MNAT1: variants seen among roughly 807,000 people sequenced by gnomAD.
The protein encoded by MNAT1 is CDK-activating kinase assembly factor MAT1.
MNAT1 carries 43 observed loss-of-function variants against 42.0 expected under a neutral mutation model. That is an observed-to-expected ratio of 1.02 (90% CI 0.80 to 1.32). MNAT1 has a LOEUF of 1.32. Among genes scored for constraint, MNAT1 ranks in the 40% most tolerant of loss-of-function variants. The pLI, the probability that MNAT1 is intolerant of heterozygous loss-of-function variation, is 0.00. For missense variants in MNAT1, 306 were observed against 350.4 expected (o/e 0.87, Z 1.01); for synonymous variants, 118 against 120.0 (o/e 0.98, Z 0.11).
At chr14:60,846,264 G>A (rs182087732) in intron 6 of MNAT1, among the ~76,000 whole-genome samples, 8 of 152,012 alleles carry the variant, frequency 5.3e-5, no homozygotes, top group Admixed American at 5.2e-4. Flanking sequence ...TCAGGATCAC[G>A]TTCACTCTTT....
At chr14:60,954,906 T>G (rs2036454448) in intron 7 of MNAT1, among the ~76,000 whole-genome samples, 1 of 152,174 alleles carries the variant, frequency 6.6e-6, no homozygotes, top group African/African-American at 2.4e-5. Flanking sequence ...CTATATGTAA[T>G]TTGTTGATAG....
At chr14:60,922,073 GA>G (rs917153466) in intron 7 of MNAT1, among the ~76,000 whole-genome samples, 9 of 151,940 alleles carry the variant, frequency 5.9e-5, no homozygotes, top group Non-Finnish European at 8.8e-5. Flanking sequence ...ATAAATGTCG[GA>G]AAAAAAGTAA....
intron 6 of MNAT1, among the ~76,000 whole-genome samples, chr14:60,834,247 C>G (rs536186093): frequency 6.6e-6 from 1 of 152,054 alleles, no homozygotes; most frequent in Non-Finnish European, 1.5e-5. Flanking sequence ...TTCTCTAGTT[C>G]TTTTAATTGT....
At chr14:60,949,098 C>T (rs1425866933) in intron 7 of MNAT1, among the ~76,000 whole-genome samples, 1 of 152,078 alleles carries the variant, frequency 6.6e-6, no homozygotes, top group Non-Finnish European at 1.5e-5. Flanking sequence ...GGACTTTTAT[C>T]CTCTTGATAT....
At chr14:60,761,529 C>G (rs2030600391) in intron 1 of MNAT1, among the ~76,000 whole-genome samples, 1 of 152,128 alleles carries the variant, frequency 6.6e-6, no homozygotes, top group African/African-American at 2.4e-5. Flanking sequence ...ATCCTTAGCA[C>G]TAAGGTAGTA....
At chr14:60,934,618 C>T (rs1324270724) in intron 7 of MNAT1, among the ~76,000 whole-genome samples, 1 of 152,182 alleles carries the variant, frequency 6.6e-6, no homozygotes, top group Non-Finnish European at 1.5e-5. Flanking sequence ...TCTTTCACCT[C>T]CTACCATGAT....
chr14:60,891,805 AG>A (rs2034851358), intron 7 of MNAT1, among the ~76,000 whole-genome samples: 1 of 151,794 alleles, frequency 6.6e-6, no homozygotes, highest in African/African-American at 2.4e-5. Context: ...TTTTCCTCTT[AG>A]TACTCTTTTG....
At chr14:60,964,204 A>G (rs2036644489) in intron 7 of MNAT1, among the ~76,000 whole-genome samples, 1 of 152,188 alleles carries the variant, frequency 6.6e-6, no homozygotes, top group Admixed American at 6.5e-5. Flanking sequence ...CAGTGTAGGA[A>G]ACCAAAGTTC....
At chr14:60,818,603 A>G (rs2032786355) in intron 5 of MNAT1, 119 bp from the exon 6 acceptor site, 1 of 801,192 alleles carries the variant, frequency 1.2e-6, no homozygotes, top group Non-Finnish European at 1.8e-6. Context: ...GTCCTCCATA[A>G]TGTGAATATT....
chr14:60,952,549 G>T (rs563611794), intron 7 of MNAT1, among the ~76,000 whole-genome samples: 1 of 152,104 alleles, frequency 6.6e-6, no homozygotes, highest in East Asian at 1.9e-4. Flanking sequence ...TATGATACAG[G>T]TTTCACACTG....
At chr14:60,841,707 ATAT>A (rs1207283511) in intron 6 of MNAT1, among the ~76,000 whole-genome samples, 1 of 152,026 alleles carries the variant, frequency 6.6e-6, no homozygotes, top group African/African-American at 2.4e-5. Context: ...ATTCCATTAA[ATAT>A]TATAAGACTT....
chr14:60,841,988 G>T (rs1043477393), intron 6 of MNAT1, among the ~76,000 whole-genome samples: 1 of 152,166 alleles, frequency 6.6e-6, no homozygotes, highest in Non-Finnish European at 1.5e-5. Flanking sequence ...TTGGTGTTCA[G>T]TAATTTCCAC....
chr14:60,930,010 G>A (rs946265627), intron 7 of MNAT1, among the ~76,000 whole-genome samples: 3 of 151,770 alleles, frequency 2.0e-5, no homozygotes, highest in East Asian at 1.9e-4. Context: ...GCATTCAGAG[G>A]TCAGAAAAAT....
At chr14:60,952,261 G>T (rs184010034) in intron 7 of MNAT1, among the ~76,000 whole-genome samples, 2 of 152,290 alleles carry the variant, frequency 1.3e-5, no homozygotes, top group Admixed American at 1.3e-4. Flanking sequence ...AAGTACAGTA[G>T]GCCTTGAATG....
chr14:60,902,448 T>C (rs2035090553), intron 7 of MNAT1, among the ~76,000 whole-genome samples: 2 of 152,304 alleles, frequency 1.3e-5, no homozygotes, highest in South Asian at 4.1e-4. Context: ...TTTCTCAAAA[T>C]ATTCTAAGCA....
At chr14:60,788,398 A>G (rs574279849) in intron 1 of MNAT1, among the ~76,000 whole-genome samples, 10 of 152,158 alleles carry the variant, frequency 6.6e-5, no homozygotes, top group Non-Finnish European at 1.2e-4. Flanking sequence ...TTAGCATAAT[A>G]TTTAAGGGCT....
At chr14:60,841,683 T>A (rs2033557977) in intron 6 of MNAT1, among the ~76,000 whole-genome samples, 1 of 152,252 alleles carries the variant, frequency 6.6e-6, no homozygotes, top group Admixed American at 6.5e-5. Context: ...TTGGAATACC[T>A]GGTAATTTTT....
At chr14:60,859,513 GA>G (rs1249185644) in intron 6 of MNAT1, among the ~76,000 whole-genome samples, 1 of 152,034 alleles carries the variant, frequency 6.6e-6, no homozygotes, top group Non-Finnish European at 1.5e-5. Flanking sequence ...ATATGAAGAT[GA>G]AAAAAATTGG....
At chr14:60,792,215 G>A (rs2031849849) in intron 1 of MNAT1, among the ~76,000 whole-genome samples, 1 of 151,990 alleles carries the variant, frequency 6.6e-6, no homozygotes, top group Admixed American at 6.6e-5. Flanking sequence ...TAATTAACTG[G>A]TGATCATTTA....
Sources: gnomAD v4.1 joint callset for allele counts (sites outside exome capture counted in the v4.1 genomes callset) on GRCh38, gnomAD v4.1.1 for gene constraint, MANE v1.5 for transcripts, NCBI Gene and HGNC (gene_info 2026-07-23, HGNC 2026-07-21) for gene names.